The following GCFC2 variants were observed in gnomAD, a reference collection of about 807,000 sequenced individuals.
GCFC2 encodes the protein GC-rich sequence DNA-binding factor 2.
A neutral mutation model predicts 99.4 loss-of-function variants in GCFC2; 102 were observed. The ratio of observed to expected loss-of-function variants is 1.03; its 90% confidence interval spans 0.87 to 1.21. The LOEUF (loss-of-function observed/expected upper bound fraction) is 1.21, where lower values mean the gene tolerates loss of function less well. Among genes scored for constraint, GCFC2 ranks in the 50% most tolerant of loss-of-function variants. The probability of loss-of-function intolerance (pLI) is 0.00; values close to 1 mark genes in which losing one functional copy is unlikely to be tolerated. For synonymous variants in GCFC2, 338 were observed against 316.8 expected, an observed-to-expected ratio of 1.07 and a Z score of -0.71; for missense variants, 973 against 920.9, an observed-to-expected ratio of 1.06 and a Z score of -0.73.
At chr2:75,711,096 G>T (rs1021941890), upstream of GCFC2, 8 of 1,291,352 alleles carry the variant, frequency 6.2e-6, no homozygotes, top group Non-Finnish European at 7.8e-6. Context: ...AGGTTAGGTT[G>T]CGTGGACTGA....
At chr2:75,688,153 G>A (rs772455899) in intron 10 of GCFC2, among the ~76,000 whole-genome samples, 176 bp from the exon 11 acceptor site, 1 of 152,316 alleles carries the variant, frequency 6.6e-6, no homozygotes, top group South Asian at 2.1e-4. Flanking sequence ...GCATGACTGA[G>A]ACATGGTGTC....
intron 11 of GCFC2, among the ~76,000 whole-genome samples, chr2:75,682,213 G>A (rs756671302): frequency 1.1e-4 from 17 of 151,798 alleles, no homozygotes; most frequent in Non-Finnish European, 2.1e-4. Flanking sequence ...GGCATCTGGC[G>A]GATGACCCTC....
At chr2:75,701,924 T>C in intron 3 of GCFC2, 1 of 1,179,400 alleles carries the variant, frequency 8.5e-7, no homozygotes, top group Non-Finnish European at 1.0e-6. Context: ...TTCAATGCTT[T>C]GAAAGTAAGA....
Position 75,710,904 on chromosome 2 carries a change from C to T in GCFC2, c.-49G>A. The T allele has an allele frequency of 1.4e-6, 2 of 1,466,060 alleles. No individual in the cohort carries two copies. Among genetic ancestry groups the T allele is most frequent in the Non-Finnish European group, 1.8e-6 (2 of 1,117,098 alleles). 90.8% of individuals were successfully genotyped at this position (1,466,060 alleles called of 1,614,324 possible). The stretch of plus-strand genomic sequence containing the variant: ...CCCTAGAACCCGCTGAACCGCAAGC[C>T]GCAGCTTCAGTGCCCGCCCCCTAGG... On this transcript the variant is annotated 5_prime_UTR_variant, in exon 1 of 17. Transcript: ENST00000321027.
intron 2 of GCFC2, 152 bp downstream of exon 2, chr2:75,706,371 T>G (rs1680863625): frequency 1.8e-6 from 1 of 569,682 alleles, no homozygotes; most frequent in African/African-American, 1.9e-5. Context: ...CATGTTAAAA[T>G]GTAATAAAAA....
At chr2:75,676,868 A>G (rs1679366627) in intron 12 of GCFC2, among the ~76,000 whole-genome samples, 1 of 152,226 alleles carries the variant, frequency 6.6e-6, no homozygotes. Flanking sequence ...TCTACCATCC[A>G]CAAGTCTTAC....
At chr2:75,680,495 G>T (rs1187599944) in intron 11 of GCFC2, among the ~76,000 whole-genome samples, 181 bp from the exon 12 acceptor site, 1 of 152,072 alleles carries the variant, frequency 6.6e-6, no homozygotes, top group Non-Finnish European at 1.5e-5. Context: ...CTTGGGCTTT[G>T]TTAAACTCCT....
In GCFC2 at chr2:75,692,040, T is replaced by C; in HGVS notation, c.1081A>G (p.Thr361Ala). 2 of 1,557,018 alleles carry C rather than the reference T, an allele frequency of 1.3e-6. No individual in the cohort carries two copies. Among genetic ancestry groups the C allele is most frequent in the Non-Finnish European group, 8.8e-7 (1 of 1,141,914 alleles). Residue 361 changes from threonine (T) to alanine (A), a missense_variant, in exon 7 of 17, where the codon ACC becomes GCC. Transcript: ENST00000321027. ...TCATCTTGCCTGCGTTTCATAAAGG[T>C]CATAGCTTGTTTTAAAAGGAGTGCA... ...MHALLLKQAMTFMKRRQDELK... is the reference protein window; with the variant it reads ...MHALLLKQAMAFMKRRQDELK...
chr2:75,696,181 C>G lies in GCFC2; in HGVS notation c.833+19G>C, dbSNP rs774381096. The G allele has an allele frequency of 1.2e-6, 1 of 855,668 alleles. No individual in the cohort carries two copies. The highest frequency in any genetic ancestry group is 1.8e-5 in the Admixed American group (1 of 54,686). The allele number at this position is 855,668 out of a possible 1,614,324, so 53.0% of individuals were successfully genotyped here. ...AAATATCTAGGACAAATGTAAATTT[C>G]AAAATGAGTATTGCTCACCTAGTAT... On this transcript the variant is annotated intron_variant, in intron 5 of 16. Coordinates refer to ENST00000321027, the MANE Select transcript of GCFC2 (RefSeq NM_003203.5).
upstream of GCFC2, among the ~76,000 whole-genome samples, chr2:75,712,396 C>T (rs1553439331): frequency 6.6e-6 from 1 of 152,172 alleles, no homozygotes; most frequent in Non-Finnish European, 1.5e-5. Flanking sequence ...TGTGGAAACT[C>T]TGTATCTAAC....
intron 11 of GCFC2, among the ~76,000 whole-genome samples, chr2:75,683,988 A>G (rs1679702994): frequency 6.6e-6 from 1 of 152,136 alleles, no homozygotes; most frequent in South Asian, 2.1e-4. Flanking sequence ...GCAAGTTCTT[A>G]GAGACCTACA....
intron 5 of GCFC2, 121 bp downstream of exon 5, chr2:75,696,079 C>T (rs187430031): frequency 5.6e-4 from 281 of 500,648 alleles, no homozygotes; most frequent in Non-Finnish European, 9.1e-4. Context: ...CACAGGAGAT[C>T]CTTTTTCCCC....
chr2:75,705,433 C>T (rs1680809543), intron 2 of GCFC2, among the ~76,000 whole-genome samples: 1 of 151,704 alleles, frequency 6.6e-6, no homozygotes. Context: ...ACCATCTTGG[C>T]TAACACGGTG....
rs769149425 is a variant in GCFC2 at position 75,664,674 on chromosome 2, CTTT to C, written c.2335_2337del (p.Lys779del). ...TTTCCAATAAAGTTTATTCAATCTTCTTTAATTAGTGATTTAAGATGGTCTAGG... is the reference window on the plus strand; with the variant it reads ...TTTCCAATAAAGTTTATTCAATCTTCAATTAGTGATTTAAGATGGTCTAGG... On this transcript the variant is annotated inframe_deletion, in exon 17 of 17. Transcript: ENST00000321027. 2.2e-6 allele frequency: 3 copies of C among 1,343,818 alleles called. No individual in the cohort carries two copies. The highest frequency in any genetic ancestry group is 3.2e-6 in the Non-Finnish European group (3 of 942,498). The allele number at this position is 1,343,818 out of a possible 1,614,324, so 83.2% of individuals were successfully genotyped here.
chr2:75,684,523 G>A lies in GCFC2; in HGVS notation c.1690+3304C>T, dbSNP rs191909342. ...TAGCACTAAATGCCCACAACAGAAA[G>A]CAGGAAAGATCTAAAATCGACATCC... On this transcript the variant is annotated intron_variant, in intron 11 of 16. Coordinates refer to ENST00000321027, the MANE Select transcript of GCFC2 (RefSeq NM_003203.5). Among the ~76,000 whole-genome samples the A allele has an allele frequency of 3.9e-5, 6 of 152,302 alleles. No individual in the cohort carries two copies. The East Asian group carries it at 1.2e-3, about 29-fold the overall frequency.
At chr2:75,707,479 T>C (rs1184968701) in intron 1 of GCFC2, among the ~76,000 whole-genome samples, 1 of 152,198 alleles carries the variant, frequency 6.6e-6, no homozygotes, top group Non-Finnish European at 1.5e-5. Context: ...TACATACTAC[T>C]CATTAATTTT....
At chr2:75,699,911 T>C (rs1417754041) in intron 4 of GCFC2, among the ~76,000 whole-genome samples, 3 of 151,394 alleles carry the variant, frequency 2.0e-5, no homozygotes, top group Admixed American at 6.6e-5. Flanking sequence ...TTTTTTTTTT[T>C]CTTAAATGAG....
At position 75,670,286 on chromosome 2, in the gene GCFC2, TA is replaced by T; in HGVS notation, c.1957-3del. ...CCAAAGAAGAATATTGCGGAAGAGCTAAAATAAAATATCAAGTAAATATGTA... is the reference window on the plus strand; with the variant it reads ...CCAAAGAAGAATATTGCGGAAGAGCTAAATAAAATATCAAGTAAATATGTA... On this transcript the variant is annotated splice_polypyrimidine_tract_variant and splice_region_variant and intron_variant, in intron 14 of 16. Coordinates refer to ENST00000321027, the MANE Select transcript of GCFC2 (RefSeq NM_003203.5). The T allele has an allele frequency of 6.3e-7, 1 of 1,580,586 alleles. No homozygotes were observed. The highest frequency in any genetic ancestry group is 8.7e-7 in the Non-Finnish European group (1 of 1,150,316).
rs1200538896 is a variant in GCFC2 at position 75,706,582 on chromosome 2, T to C, written c.335A>G (p.Asp112Gly). The C allele has an allele frequency of 6.2e-7, 1 of 1,600,388 alleles. No individual in the cohort carries two copies. The highest frequency in any genetic ancestry group is 8.6e-7 in the Non-Finnish European group (1 of 1,167,654). ...KIHHSSESKD[D>G]QGLSSDSSSS... Reference sequence around the variant, plus strand: ...AGAACTGTCAGAAGACAAACCCTGATCATCCTTACTTTCTGAGGAGTGATG... The same window carrying C: ...AGAACTGTCAGAAGACAAACCCTGACCATCCTTACTTTCTGAGGAGTGATG... Residue 112 changes from aspartate to glycine, a missense_variant, in exon 2 of 17, where the codon GAT (aspartate) becomes GGT (glycine). Transcript: ENST00000321027.
Sources: allele counts gnomAD v4.1 joint callset (sites outside exome capture counted in the v4.1 genomes callset), GRCh38; gene constraint gnomAD v4.1.1; transcripts MANE v1.5; gene names NCBI Gene and HGNC (gene_info 2026-07-23, HGNC 2026-07-21).